Variants in MYH15 observed in about 807,000 individuals in gnomAD.
The protein encoded by MYH15 is myosin heavy chain 15.
In MYH15, 227 loss-of-function variants were observed where a neutral mutation model predicts 240.5. The ratio of observed to expected loss-of-function variants is 0.94; its 90% CI spans 0.85 to 1.05. MYH15 has a LOEUF of 1.05. Among genes scored for constraint, MYH15 ranks in the 50% least tolerant of loss-of-function variants. The pLI, the probability that MYH15 is intolerant of heterozygous loss-of-function variation, is 0.00. For missense variants in MYH15, 2,217 were observed against 2,247.5 expected, an observed-to-expected ratio of 0.99 and a Z score of 0.27; for synonymous variants, 785 against 796.7, an observed-to-expected ratio of 0.99 and a Z score of 0.25.
In MYH15 at chr3:108,470,828, G is replaced by C. The variant is rs779256964; in HGVS notation, c.1253C>G (p.Ala418Gly). Residue 418 changes from alanine to glycine, a missense_variant, in exon 13 of 41, where the codon GCC becomes GGC. Transcript: ENST00000693548. ...TIEQVTCAVGALSKSMYERMF... is the reference protein window; with the variant it reads ...TIEQVTCAVGGLSKSMYERMF... Reference sequence around the variant, plus strand: ...CCTTTCATACATTGACTTGGACAGGGCACCGACAGCACAGGTTACCTAGAA... The same window carrying C: ...CCTTTCATACATTGACTTGGACAGGCCACCGACAGCACAGGTTACCTAGAA... The C allele has an allele frequency of 6.2e-7, 1 of 1,613,462 alleles. No homozygotes were observed.
intron 1 of MYH15, among the ~76,000 whole-genome samples, chr3:108,522,737 T>C (rs1013007479): frequency 6.6e-6 from 1 of 152,138 alleles, no homozygotes; most frequent in Non-Finnish European, 1.5e-5. Context: ...TAGCGTTTAC[T>C]ATACAGATGC....
intron 12 of MYH15, 65 bp from the exon 13 acceptor site, chr3:108,470,912 T>C: frequency 6.5e-7 from 1 of 1,535,208 alleles, no homozygotes; most frequent in Non-Finnish European, 8.9e-7. Context: ...CCGGGCATTC[T>C]CTATCAGCAA....
intron 16 of MYH15, among the ~76,000 whole-genome samples, 197 bp downstream of exon 16, chr3:108,462,914 G>T (rs2083083301): frequency 6.6e-6 from 1 of 152,066 alleles, no homozygotes; most frequent in Admixed American, 6.6e-5. Flanking sequence ...CAGACTTCTT[G>T]AATCTATCTT....
Position 108,456,794 on chromosome 3 carries a change from G to T in MYH15, c.2110C>A (p.Arg704=), listed in dbSNP as rs372960265. The T allele has an allele frequency of 1.9e-6, 3 of 1,612,972 alleles. No homozygotes were observed. Among genetic ancestry groups the T allele is most frequent in the East Asian group, 4.5e-5 (2 of 44,846 alleles). ...TGTTTAAAATCAGCATACTGCAGTC[G>T]GTTTGGAAAACCTTCACGGCATATC... ...TRICREGFPN[R]LQYADFKQRY... The change falls in exon 19 of 41, where the codon CGA becomes AGA. Residue 704 remains arginine (R), a synonymous_variant. Coordinates refer to ENST00000693548, the MANE Select transcript of MYH15 (RefSeq NM_014981.3).
intron 21 of MYH15, among the ~76,000 whole-genome samples, chr3:108,451,989 C>A (rs200570238): frequency 5.8e-3 from 804 of 138,410 alleles, no homozygotes; most frequent in Middle Eastern, 7.3e-3. Context: ...GTCATTTCTA[C>A]AAAAAAAAAA....
At chr3:108,440,493 G>A (rs374838682) in intron 23 of MYH15, among the ~76,000 whole-genome samples, 4 of 151,390 alleles carry the variant, frequency 2.6e-5, no homozygotes, top group Admixed American at 6.6e-5. Context: ...GGCTTGATGC[G>A]GACTCCTCAC....
intron 33 of MYH15, among the ~76,000 whole-genome samples, chr3:108,400,228 C>A (rs2082493888): frequency 6.6e-6 from 1 of 152,148 alleles, no homozygotes; most frequent in South Asian, 2.1e-4. Context: ...ATGTTATTGA[C>A]CGACTCTTCA....
chr3:108,455,890 T>G, intron 19 of MYH15, 31 bp from the exon 20 acceptor site: 3 of 1,591,310 alleles, frequency 1.9e-6, no homozygotes, highest in Non-Finnish European at 2.6e-6. Context: ...AATCATGAGT[T>G]TGGGAAATCA....
At chr3:108,390,929 T>C (rs1318451351) in intron 37 of MYH15, among the ~76,000 whole-genome samples, 3 of 152,258 alleles carry the variant, frequency 2.0e-5, no homozygotes, top group Admixed American at 2.0e-4. Context: ...TTTATTTTTC[T>C]GATTTATCCT....
chr3:108,408,344 T>C lies in MYH15; in HGVS notation c.4556A>G (p.Glu1519Gly). Residue 1519 changes from glutamate (E) to glycine (G), a missense_variant, in exon 32 of 41, where the codon GAA (glutamate) becomes GGA (glycine). Coordinates refer to ENST00000693548, the MANE Select transcript of MYH15 (RefSeq NM_014981.3). ...REGTKNLTEM[E>G]KVKKLIEEEK... ...TTCTTCAATTAGTTTCTTGACCTTT[T>C]CCATTTCAGTTAAGTTCTTGGTCCC... 6.2e-7 allele frequency: 1 copy of C among 1,613,710 alleles called. No homozygotes were observed.
chr3:108,482,202 A>G (rs535789465), intron 11 of MYH15, among the ~76,000 whole-genome samples: 4 of 152,310 alleles, frequency 2.6e-5, no homozygotes, highest in Admixed American at 1.3e-4. Flanking sequence ...CCTAGGTGGC[A>G]TTTTTGAAGA....
chr3:108,511,902 T>G (rs2083525089), upstream of MYH15, among the ~76,000 whole-genome samples: 2 of 152,226 alleles, frequency 1.3e-5, no homozygotes, highest in African/African-American at 4.8e-5. Context: ...TAAAGGAGTA[T>G]GATTTAAAGC....
rs759950008 is a variant in MYH15 at position 108,410,652 on chromosome 3, G to C, written c.4426C>G (p.Leu1476Val). ...ATGCTCTCCTCATAGGTGTTCTTGAGCTTGAGGAGCTCTGTACTGAGAGCC... is the reference window on the plus strand; with the variant it reads ...ATGCTCTCCTCATAGGTGTTCTTGACCTTGAGGAGCTCTGTACTGAGAGCC... Reference protein sequence around the residue: ...VQALSTELLKLKNTYEESIVG... With the variant: ...VQALSTELLKVKNTYEESIVG... Residue 1476 changes from leucine (L) to valine (V), a missense_variant, in exon 31 of 41, where the codon CTC becomes GTC. Physicochemically the swap from Leu to Val is conservative, Grantham distance 32 (BLOSUM62 1). Transcript: ENST00000693548. 11 of 1,614,142 alleles carry C rather than the reference G, an allele frequency of 6.8e-6. No individual in the cohort carries two copies. In the East Asian group the frequency reaches 2.5e-4, roughly 36 times the overall value.
Position 108,435,860 on chromosome 3 carries a change from A to T in MYH15, c.3221+1694T>A, listed in dbSNP as rs993888851. On this transcript the variant is annotated intron_variant, in intron 25 of 40. Coordinates refer to ENST00000693548, the MANE Select transcript of MYH15 (RefSeq NM_014981.3). ...TATACACACACACACACACACACAC[A>T]CATCACATTTTCTTTATCCATTCAT... Among the ~76,000 whole-genome samples the T allele has an allele frequency of 8.6e-5, 13 of 151,802 alleles. 1 individual carries two copies. Among genetic ancestry groups the T allele is most frequent in the Admixed American group, 7.2e-4 (11 of 15,244 alleles).
the MYH15 span, among the ~76,000 whole-genome samples, chr3:108,548,496 T>C: frequency 3.9e-5 from 6 of 152,144 alleles, no homozygotes; most frequent in African/African-American, 1.4e-4. Flanking sequence ...GTATTGTCTA[T>C]GGCTGCTTCT....
At position 108,389,560 on chromosome 3, in the gene MYH15, C is replaced by T. The variant is rs9813866; in HGVS notation, c.5431-486G>A. ...CTGCCTGCTGCCTTATAGAGTTACA[C>T]AAATGAGCTTAACATTCATTCAATG... On this transcript the variant is annotated intron_variant, in intron 37 of 40. Transcript: ENST00000693548. Among the ~76,000 whole-genome samples, 860 of 152,274 alleles carry T rather than the reference C, an allele frequency of 5.6e-3. 5 individuals carry two copies. Among genetic ancestry groups the T allele is most frequent in the African/African-American group, 0.02 (811 of 41,560 alleles).
chr3:108,435,233 T>C (rs959550889), intron 25 of MYH15, among the ~76,000 whole-genome samples: 1 of 152,232 alleles, frequency 6.6e-6, no homozygotes, highest in African/African-American at 2.4e-5. Flanking sequence ...TGGCTTTTTG[T>C]GACTTGTTCA....
Position 108,455,738 on chromosome 3 carries a change from T to C in MYH15, c.2260A>G (p.Lys754Glu). The C allele has an allele frequency of 1.9e-6, 3 of 1,613,744 alleles. No individual in the cohort carries two copies. Among genetic ancestry groups the C allele is most frequent in the Non-Finnish European group, 2.5e-6 (3 of 1,179,742 alleles). The change falls in exon 20 of 41, where the codon AAG becomes GAG. Residue 754 changes from lysine to glutamate, a missense_variant and splice_region_variant. By Grantham distance (56) the Lys-to-Glu change is moderately conservative. Coordinates refer to ENST00000693548, the MANE Select transcript of MYH15 (RefSeq NM_014981.3). ...ATTCTTTGCAGTTTTCTGGTTACCT[T>C]AGTGATTCCAAATCGGTACTGGGTA... ...DHTQYRFGIT[K>E]VFFKAGFLGQ...
At chr3:108,478,023 G>A (rs779111690) in intron 11 of MYH15, among the ~76,000 whole-genome samples, 35 of 152,174 alleles carry the variant, frequency 2.3e-4, no homozygotes, top group Admixed American at 1.9e-3. Flanking sequence ...ATGCTAGTAT[G>A]TCTGGCATAG....
Sources: allele counts gnomAD v4.1 joint callset (sites outside exome capture counted in the v4.1 genomes callset), GRCh38; gene constraint gnomAD v4.1.1; transcripts MANE v1.5; gene names NCBI Gene and HGNC (gene_info 2026-07-23, HGNC 2026-07-21).